Variants in RSF1 observed in about 807,000 individuals in gnomAD.
RSF1 encodes remodeling and spacing factor 1.
RSF1 carries 13 observed loss-of-function variants against 145.2 expected under a neutral mutation model. The observed-to-expected ratio is 0.09, with a 90% confidence interval of 0.06 to 0.14. RSF1 has a LOEUF of 0.14. RSF1 is among the 10% of genes least tolerant of loss of function. The pLI, the probability that RSF1 is intolerant of heterozygous loss-of-function variation, is 1.00. For synonymous variants in RSF1, 577 were observed against 592.6 expected (o/e 0.97, Z 0.38); for missense variants, 1,517 against 1,718.2 (o/e 0.88, Z 2.07).
intron 7 of RSF1, among the ~76,000 whole-genome samples, chr11:77,695,353 C>T (rs930183295): frequency 2.6e-5 from 4 of 152,042 alleles, no homozygotes; most frequent in Non-Finnish European, 5.9e-5. Flanking sequence ...TTCTATCTCC[C>T]TTATGCCTTC....
At chr11:77,740,117 T>C (rs1382121127) in intron 4 of RSF1, among the ~76,000 whole-genome samples, 1 of 152,270 alleles carries the variant, frequency 6.6e-6, no homozygotes, top group East Asian at 1.9e-4. Context: ...GGCCAACGCC[T>C]GTAATCCCAG....
intron 2 of RSF1, among the ~76,000 whole-genome samples, chr11:77,747,775 A>G (rs554337328): frequency 6.6e-6 from 1 of 152,320 alleles, no homozygotes; most frequent in East Asian, 1.9e-4. Context: ...GCATCACCCT[A>G]AACTAGAGGT....
chr11:77,731,167 T>A (rs185066578), intron 4 of RSF1, among the ~76,000 whole-genome samples: 190 of 152,272 alleles, frequency 1.2e-3, no homozygotes, highest in African/African-American at 4.3e-3. Flanking sequence ...TGAGGTAGTC[T>A]CAGAATGAGA....
chr11:77,671,531 A>T (rs1222575272), intron 15 of RSF1, among the ~76,000 whole-genome samples: 1 of 152,036 alleles, frequency 6.6e-6, no homozygotes, highest in Non-Finnish European at 1.5e-5. Flanking sequence ...TTTAAATTAC[A>T]ATGGAGATCT....
chr11:77,773,286 T>A lies in RSF1; in HGVS notation c.188-8597A>T, dbSNP rs985952345. Among the ~76,000 whole-genome samples, 61 of 152,222 alleles carry A rather than the reference T, an allele frequency of 4.0e-4. 1 individual carries two copies. Among genetic ancestry groups the A allele is most frequent in the Non-Finnish European group, 7.4e-4 (50 of 68,006 alleles). ...TGTGAAATTTGCCATTTTAATCATT[T>A]TTTTTTTTAGTGTACAATCAGTGGC... On this transcript the variant is annotated intron_variant, in intron 1 of 15. Transcript: ENST00000308488.
At position 77,747,055 on chromosome 11, in the gene RSF1, C is replaced by T; in HGVS notation, c.353G>A (p.Cys118Tyr). ...KKGYLEMSVE[C>Y]KLALLKYLCE... ...TATTACCTTTAAGAGTGCTAGTTTGCATTCAACACTCATTTCAAGATAGCC... is the reference window on the plus strand; with the variant it reads ...TATTACCTTTAAGAGTGCTAGTTTGTATTCAACACTCATTTCAAGATAGCC... The change falls in exon 3 of 16, where the codon TGC becomes TAC. Residue 118 changes from cysteine to tyrosine, a missense_variant. Cys to Tyr is a radical substitution (Grantham distance 194). Around this residue, in one of 12 missense-constraint regions of RSF1, gnomAD observed 94 missense variants for 143.6 expected, o/e 0.65. Transcript: ENST00000308488. 3.1e-6 allele frequency: 5 copies of T among 1,601,722 alleles called. No individual in the cohort carries two copies. Among genetic ancestry groups the T allele is most frequent in the Non-Finnish European group, 4.3e-6 (5 of 1,169,096 alleles).
In RSF1 at chr11:77,678,102, T is replaced by C; in HGVS notation, c.3117A>G (p.Lys1039=). The C allele has an allele frequency of 6.2e-7, 1 of 1,612,302 alleles. No homozygotes were observed. The highest frequency in any genetic ancestry group is 8.5e-7 in the Non-Finnish European group (1 of 1,179,042). Residue 1039 remains lysine (K), a synonymous_variant, in exon 12 of 16, where the codon AAA becomes AAG. Coordinates refer to ENST00000308488, the MANE Select transcript of RSF1 (RefSeq NM_016578.4). ...AACACATACCTCCTCCATCGGCTTC[T>C]TTGATGTCATCTTCAATAGCTTCAT... ...AIDEAIEDDI[K]EADGGGVGRG...
At chr11:77,792,198 A>G (rs1263219851) in intron 1 of RSF1, among the ~76,000 whole-genome samples, 5 of 152,198 alleles carry the variant, frequency 3.3e-5, no homozygotes, top group Middle Eastern at 3.4e-3. Context: ...CCTTATAGTA[A>G]CCATCAGATC....
chr11:77,823,640 AAAG>A (rs1443548129), upstream of RSF1, among the ~76,000 whole-genome samples: 1 of 151,566 alleles, frequency 6.6e-6, no homozygotes, highest in Admixed American at 6.6e-5. Flanking sequence ...AAAAAAAAAA[AAAG>A]AATAATTTGA....
chr11:77,740,748 T>A lies in RSF1; in HGVS notation c.561A>T (p.Ser187=). 2 of 1,613,896 alleles carry A rather than the reference T, an allele frequency of 1.2e-6. No homozygotes were observed. Among genetic ancestry groups the A allele is most frequent in the Non-Finnish European group, 1.7e-6 (2 of 1,179,742 alleles). The change falls in exon 4 of 16, where the codon TCA becomes TCT. Residue 187 remains serine, a synonymous_variant. Coordinates refer to ENST00000308488, the MANE Select transcript of RSF1 (RefSeq NM_016578.4). Reference sequence around the variant, plus strand: ...AAAGATACCTGACAATGCATTTCCATGAAGAGCCATCTTGATCATCTTGTT... The same window carrying A: ...AAAGATACCTGACAATGCATTTCCAAGAAGAGCCATCTTGATCATCTTGTT... The part of the protein sequence containing the change: ...IEEQDDQDGS[S]WKCIVRNRNE...
At chr11:77,741,072 C>T (rs1231866991) in intron 3 of RSF1, 136 bp from the exon 4 acceptor site, 14 of 666,342 alleles carry the variant, frequency 2.1e-5, no homozygotes, top group African/African-American at 2.0e-4. Flanking sequence ...TTTCACTATC[C>T]TCTTCCCACT....
chr11:77,840,539 A>G, the RSF1 span, among the ~76,000 whole-genome samples: 1 of 152,214 alleles, frequency 6.6e-6, no homozygotes, highest in Non-Finnish European at 1.5e-5. Flanking sequence ...AAAAGAAAAA[A>G]AAGTGTTTAA....
intron 1 of RSF1, among the ~76,000 whole-genome samples, chr11:77,774,080 C>G (rs912575194): frequency 6.6e-6 from 1 of 152,186 alleles, no homozygotes; most frequent in Non-Finnish European, 1.5e-5. Flanking sequence ...TCCTAATTAT[C>G]TATCTTCTAT....
rs544252757 is a variant in RSF1 at position 77,741,886 on chromosome 11, T to C, written c.373-950A>G. Among the ~76,000 whole-genome samples the C allele has an allele frequency of 2.6e-5, 4 of 152,328 alleles. No homozygotes were observed. The South Asian group carries it at 8.3e-4, about 32-fold the overall frequency. On this transcript the variant is annotated intron_variant, in intron 3 of 15. Coordinates refer to ENST00000308488, the MANE Select transcript of RSF1 (RefSeq NM_016578.4). ...TAATCCCTGGTAATCACCAATCTACTGTGATTCTATGAGTCTGACTCTTTT... is the reference window on the plus strand; with the variant it reads ...TAATCCCTGGTAATCACCAATCTACCGTGATTCTATGAGTCTGACTCTTTT...
chr11:77,684,988 GAAATAAAT>G (rs112115163), intron 10 of RSF1, 109 bp downstream of exon 10: 54 of 459,458 alleles, frequency 1.2e-4, no homozygotes, highest in African/African-American at 3.1e-4. Flanking sequence ...ACTCCATCTC[GAAATAAAT>G]AAATAAATAA....
At chr11:77,739,705 G>A (rs1455678880) in intron 4 of RSF1, 2 of 152,194 alleles carry the variant, frequency 1.3e-5, no homozygotes, top group Non-Finnish European at 2.9e-5. Flanking sequence ...CGGTTAGATA[G>A]CTATGAGTTT....
the RSF1 span, among the ~76,000 whole-genome samples, chr11:77,826,372 A>AC: frequency 6.6e-6 from 1 of 151,856 alleles, no homozygotes; most frequent in Non-Finnish European, 1.5e-5. Context: ...AAAAAAAAAA[A>AC]GATGGGGGAC....
At chr11:77,779,318 C>T (rs1436395985) in intron 1 of RSF1, among the ~76,000 whole-genome samples, 2 of 152,148 alleles carry the variant, frequency 1.3e-5, no homozygotes, top group Admixed American at 1.3e-4. Flanking sequence ...AGCGATCCTA[C>T]TGCCTTAGCC....
At chr11:77,856,231 T>C in the RSF1 span, among the ~76,000 whole-genome samples, 19 of 152,230 alleles carry the variant, frequency 1.2e-4, no homozygotes, top group African/African-American at 4.6e-4. Flanking sequence ...TGCTAAAGCA[T>C]AGCACAAGTA....
Sources: gnomAD v4.1 joint callset for allele counts (sites outside exome capture counted in the v4.1 genomes callset) on GRCh38, gnomAD v4.1.1 for gene constraint, gnomAD v4.1.1 regional missense constraint, MANE v1.5 for transcripts, NCBI Gene and HGNC (gene_info 2026-07-23, HGNC 2026-07-21) for gene names.